Variants in PACRGL observed in about 807,000 individuals in gnomAD.
PACRGL encodes the protein parkin coregulated like.
Under a neutral mutation model 34.5 loss-of-function variants are expected in PACRGL, and 38 were observed. The observed-to-expected ratio is 1.10, with a 90% confidence interval of 0.85 to 1.44. PACRGL has a LOEUF of 1.44. PACRGL is among the 40% of genes most tolerant of loss of function. The probability of loss-of-function intolerance (pLI) is 0.00; values close to 1 mark genes in which losing one functional copy is unlikely to be tolerated. For synonymous variants in PACRGL, 128 were observed against 100.1 expected (o/e 1.28, Z -1.66); for missense variants, 305 against 281.4 (o/e 1.08, Z -0.60).
At chr4:20,739,332 G>A (rs1330956790) in intron 8 of PACRGL, among the ~76,000 whole-genome samples, 1 of 152,210 alleles carries the variant, frequency 6.6e-6, no homozygotes, top group African/African-American at 2.4e-5. Flanking sequence ...ACACCTCCTA[G>A]TAGGGGCAGA....
At chr4:20,738,137 A>C (rs6815738) in intron 8 of PACRGL, among the ~76,000 whole-genome samples, 27,778 of 152,006 alleles carry the variant, frequency 0.18, 2,686 homozygotes, top group Non-Finnish European at 0.22. Context: ...CTCAAAAAAA[A>C]AAAAAAAATC....
chr4:20,718,340 T>G (rs1741177794), intron 7 of PACRGL, among the ~76,000 whole-genome samples: 1 of 152,284 alleles, frequency 6.6e-6, no homozygotes, highest in Admixed American at 6.5e-5. Context: ...CCTGCCTGAT[T>G]GCCCTGGCCA....
chr4:20,744,232 C>T (rs945381704), intron 8 of PACRGL, among the ~76,000 whole-genome samples: 1 of 152,170 alleles, frequency 6.6e-6, no homozygotes, highest in Admixed American at 6.5e-5. Context: ...CTAGAAATAC[C>T]ATTTGACCCA....
At chr4:20,754,266 A>G (rs1754122641), downstream of PACRGL, among the ~76,000 whole-genome samples, 1 of 152,214 alleles carries the variant, frequency 6.6e-6, no homozygotes, top group Non-Finnish European at 1.5e-5. Context: ...TCACAAAGCA[A>G]TAGAGAAAGC....
chr4:20,710,519 A>G (rs1736681481), intron 5 of PACRGL, among the ~76,000 whole-genome samples: 3 of 152,154 alleles, frequency 2.0e-5, no homozygotes, highest in Non-Finnish European at 4.4e-5. Flanking sequence ...TTTGGGTGAT[A>G]TTAGTAATAA....
chr4:20,700,406 T>G (rs1410480842), upstream of PACRGL: 1 of 152,158 alleles, frequency 6.6e-6, no homozygotes, highest in East Asian at 1.9e-4. Flanking sequence ...AGCGTGCGTC[T>G]GACGTCATTG....
At position 20,742,819 on chromosome 4, in the gene PACRGL, T is replaced by C. The variant is rs187926920; in HGVS notation, c.*57-9746T>C. Among the ~76,000 whole-genome samples, 361 of 152,234 alleles carry C rather than the reference T, an allele frequency of 2.4e-3. 1 individual carries two copies. Among genetic ancestry groups the C allele is most frequent in the African/African-American group, 8.2e-3 (339 of 41,540 alleles). On this transcript the variant is annotated intron_variant, in intron 8 of 8. Transcript: ENST00000507634. ...ATGATTGTATATTTAGAAAACCCTG[T>C]CGTCTCAGCCCAAAATCTCCTTAAA...
At chr4:20,739,399 A>C (rs1750511959) in intron 8 of PACRGL, among the ~76,000 whole-genome samples, 1 of 152,114 alleles carries the variant, frequency 6.6e-6, no homozygotes, top group Admixed American at 6.5e-5. Context: ...AGGAAGGATC[A>C]GGCAGCAACA....
intron 3 of PACRGL, among the ~76,000 whole-genome samples, 197 bp downstream of exon 3, chr4:20,705,011 T>C (rs951564804): frequency 3.3e-5 from 5 of 152,164 alleles, no homozygotes; most frequent in African/African-American, 4.8e-5. Context: ...TAAGGAGACA[T>C]AGAAGTTAAC....
rs1744957176 is a variant in PACRGL at position 20,724,866 on chromosome 4, A to C, written c.668A>C (p.Lys223Thr). The change falls in exon 8 of 9, where the codon AAG becomes ACG. Residue 223 changes from lysine (K) to threonine (T), a missense_variant. Lys to Thr is a moderately conservative substitution (Grantham distance 78). Coordinates refer to ENST00000503585, the MANE Select transcript of PACRGL (RefSeq NM_001258345.3). The stretch of plus-strand genomic sequence containing the variant: ...GAGCCAATCACCAGCGCATTACAAA[A>C]GCTAGAGCAACATGGTGGAAGTGTA... ...FKEPITSALQ[K>T]LEQHGGSGSL... is the part of the protein sequence containing the mutation. The C allele has an allele frequency of 6.7e-7, 1 of 1,494,344 alleles. No individual in the cohort carries two copies. The highest frequency in any genetic ancestry group is 1.4e-5 in the African/African-American group (1 of 71,040). The allele number at this position is 1,494,344 out of a possible 1,614,324, so 92.6% of individuals were successfully genotyped here. A position where few individuals can be genotyped will look rare whatever the true frequency, so the allele number is the denominator to read the frequency against.
downstream of PACRGL, among the ~76,000 whole-genome samples, chr4:20,733,103 GTTTA>G (rs1243293224): frequency 2.0e-5 from 3 of 152,124 alleles, no homozygotes; most frequent in African/African-American, 7.2e-5. Flanking sequence ...AGTAGACTAT[GTTTA>G]TTTAATTGCA....
intron 1 of PACRGL, chr4:20,701,980 C>T (rs1034179340): frequency 2.2e-5 from 10 of 452,228 alleles, no homozygotes; most frequent in South Asian, 6.2e-5. Flanking sequence ...GTTTGCATTA[C>T]TGTATGTTTA....
chr4:20,748,720 A>G (rs1397573787), intron 8 of PACRGL, among the ~76,000 whole-genome samples: 1 of 149,782 alleles, frequency 6.7e-6, no homozygotes, highest in African/African-American at 2.4e-5. Context: ...TAACAAATAA[A>G]TGAGGTATAC....
downstream of PACRGL, among the ~76,000 whole-genome samples, chr4:20,733,115 G>A (rs138763268): frequency 2.3e-3 from 353 of 152,196 alleles, 8 homozygotes; most frequent in South Asian, 0.046. Flanking sequence ...TTATTTAATT[G>A]CATTATATAT....
chr4:20,699,712 A>G (rs1287260368), upstream of PACRGL, among the ~76,000 whole-genome samples: 1 of 152,194 alleles, frequency 6.6e-6, no homozygotes, highest in Non-Finnish European at 1.5e-5. Flanking sequence ...TGCAGTGGAC[A>G]GGTCCAAAGG....
the PACRGL span, among the ~76,000 whole-genome samples, chr4:20,762,394 A>G: frequency 6.6e-6 from 1 of 152,230 alleles, no homozygotes; most frequent in Non-Finnish European, 1.5e-5. Context: ...GCAAAGACCA[A>G]TAACTAAATA....
At chr4:20,762,896 A>T in the PACRGL span, among the ~76,000 whole-genome samples, 1 of 152,180 alleles carries the variant, frequency 6.6e-6, no homozygotes, top group Non-Finnish European at 1.5e-5. Flanking sequence ...AGGCCTCAGG[A>T]AACTTACAAT....
chr4:20,723,064 ACT>A (rs1047827525), intron 7 of PACRGL, among the ~76,000 whole-genome samples: 5 of 152,182 alleles, frequency 3.3e-5, no homozygotes, highest in African/African-American at 7.2e-5. Flanking sequence ...TGCGATGGTG[ACT>A]CTATCAGGAT....
chr4:20,711,368 T>A (rs1260265386), intron 5 of PACRGL, among the ~76,000 whole-genome samples: 1 of 152,206 alleles, frequency 6.6e-6, no homozygotes, highest in East Asian at 1.9e-4. Flanking sequence ...TGGCCTCATT[T>A]ACTAACAGAT....
Sources: gnomAD v4.1 joint callset for allele counts (sites outside exome capture counted in the v4.1 genomes callset) on GRCh38, gnomAD v4.1.1 for gene constraint, MANE v1.5 for transcripts, NCBI Gene and HGNC (gene_info 2026-07-23, HGNC 2026-07-21) for gene names.